The following CHRM2 variants were observed in gnomAD, a reference collection of about 807,000 sequenced individuals.
The protein encoded by CHRM2 is muscarinic acetylcholine receptor M2.
Under a neutral mutation model 25.0 loss-of-function variants are expected in CHRM2, and 8 were observed. That is an observed-to-expected ratio of 0.32 (90% CI 0.19 to 0.58). The LOEUF (loss-of-function observed/expected upper bound fraction) is 0.58, where lower values mean the gene tolerates loss of function less well. CHRM2 is among the 20% of genes least tolerant of loss of function. The pLI, the probability that CHRM2 is intolerant of heterozygous loss-of-function variation, is 0.88. For synonymous variants in CHRM2, 202 were observed against 205.7 expected (o/e 0.98, Z 0.15); for missense variants, 440 against 567.1 (o/e 0.78, Z 2.28).
At chr7:136,910,118 A>G (rs191393286) in intron 2 of CHRM2, among the ~76,000 whole-genome samples, 6 of 151,976 alleles carry the variant, frequency 3.9e-5, no homozygotes, top group Admixed American at 3.9e-4. Flanking sequence ...AAGAGAGTAA[A>G]GACAACATTG....
intron 2 of CHRM2, chr7:136,902,555 C>T (rs899634665): frequency 4.6e-5 from 7 of 152,378 alleles, no homozygotes; most frequent in Non-Finnish European, 7.3e-5. Context: ...GAACTCATAC[C>T]ATAAGCAGCC....
chr7:136,894,265 T>C (rs146341278), intron 2 of CHRM2, among the ~76,000 whole-genome samples: 3 of 152,314 alleles, frequency 2.0e-5, no homozygotes, highest in East Asian at 3.9e-4. Flanking sequence ...AAGGGTAACA[T>C]ATGAACAAAA....
chr7:136,873,399 T>C (rs1247193208), intron 2 of CHRM2, among the ~76,000 whole-genome samples: 1 of 152,246 alleles, frequency 6.6e-6, no homozygotes, highest in Admixed American at 6.5e-5. Flanking sequence ...TCCCATATGA[T>C]ATTTTCTGTT....
At chr7:136,960,088 G>A (rs1800979015) in intron 2 of CHRM2, among the ~76,000 whole-genome samples, 1 of 152,082 alleles carries the variant, frequency 6.6e-6, no homozygotes, top group South Asian at 2.1e-4. Context: ...TCCTAGAACT[G>A]GGCACCAAGC....
chr7:136,959,088 T>C (rs1360193706), intron 2 of CHRM2, among the ~76,000 whole-genome samples: 2 of 152,192 alleles, frequency 1.3e-5, no homozygotes, highest in African/African-American at 2.4e-5. Flanking sequence ...ACCAATATCA[T>C]GTGAACAATG....
rs561930383 is a variant in CHRM2, at chr7:136,896,521, T to C, written c.-125+27103T>C. Among the ~76,000 whole-genome samples the C allele has an allele frequency of 5.3e-5, 8 of 152,234 alleles. No individual in the cohort carries two copies. The East Asian group carries it at 1.5e-3, about 29-fold the overall frequency. ...TAAGCCCATTCAACCCAGAGAGAAA[T>C]AAGCCTCCAGTGCTTTTGGATATAG... On this transcript the variant is annotated intron_variant, in intron 2 of 3. Coordinates refer to ENST00000680005, the MANE Select transcript of CHRM2 (RefSeq NM_001006630.2).
chr7:136,980,504 G>T (rs1466344473), intron 2 of CHRM2, among the ~76,000 whole-genome samples: 1 of 152,174 alleles, frequency 6.6e-6, no homozygotes, highest in African/African-American at 2.4e-5. Flanking sequence ...GTGAGAGAGG[G>T]CATCCTTGTC....
chr7:136,897,241 A>G (rs1336198902), intron 2 of CHRM2, among the ~76,000 whole-genome samples: 3 of 152,040 alleles, frequency 2.0e-5, no homozygotes, highest in Admixed American at 2.0e-4. Context: ...TTTATTGTGA[A>G]CATTTGTGTT....
chr7:136,967,550 T>G (rs979355462), intron 2 of CHRM2, among the ~76,000 whole-genome samples: 1 of 152,010 alleles, frequency 6.6e-6, no homozygotes. Flanking sequence ...TAAAGAAAAG[T>G]TGAGTATTTT....
At position 137,019,224 on chromosome 7, in the gene CHRM2, T is replaced by C. The variant is rs1805320878; in HGVS notation, c.*2958T>C. The C allele has an allele frequency of 6.6e-6, 1 of 151,880 alleles. No homozygotes were observed. Among genetic ancestry groups the C allele is most frequent in the Non-Finnish European group, 1.5e-5 (1 of 67,902 alleles). The allele number at this position is 151,880 out of a possible 1,614,324, so 9.4% of individuals were successfully genotyped here. ...ATATCAATGCAAATTCCTCACCTGT[T>C]AGAAAAAGGTAATACTCACCAACCA... is the stretch of plus-strand genomic sequence containing the variant. On this transcript the variant is annotated 3_prime_UTR_variant, in exon 4 of 4. Coordinates refer to ENST00000680005, the MANE Select transcript of CHRM2 (RefSeq NM_001006630.2).
intron 2 of CHRM2, among the ~76,000 whole-genome samples, chr7:136,888,109 T>C (rs1020614860): frequency 2.0e-5 from 3 of 152,238 alleles, no homozygotes; most frequent in Non-Finnish European, 4.4e-5. Flanking sequence ...ATTCCCATTC[T>C]TTTTGCTTCT....
chr7:136,911,205 T>C (rs1223637576), intron 2 of CHRM2, among the ~76,000 whole-genome samples: 1 of 151,882 alleles, frequency 6.6e-6, no homozygotes, highest in African/African-American at 2.4e-5. Context: ...AATAATACCA[T>C]AACTGAACAT....
chr7:136,955,801 A>G (rs1800689812), intron 2 of CHRM2, among the ~76,000 whole-genome samples: 1 of 152,228 alleles, frequency 6.6e-6, no homozygotes, highest in East Asian at 1.9e-4. Flanking sequence ...AGTTGATAAA[A>G]AGTAATAAAG....
intron 2 of CHRM2, among the ~76,000 whole-genome samples, chr7:136,971,906 C>G (rs1801799880): frequency 6.6e-6 from 1 of 152,044 alleles, no homozygotes; most frequent in Admixed American, 6.6e-5. Context: ...ATTTTTGGTG[C>G]TAATCTCTAA....
At chr7:136,907,335 A>G (rs1308004732) in intron 2 of CHRM2, among the ~76,000 whole-genome samples, 3 of 151,938 alleles carry the variant, frequency 2.0e-5, no homozygotes, top group Non-Finnish European at 4.4e-5. Context: ...CAGTTCATAA[A>G]AGTGAAGGCA....
intron 2 of CHRM2, among the ~76,000 whole-genome samples, chr7:136,982,780 T>G (rs1281154852): frequency 6.6e-6 from 1 of 152,208 alleles, no homozygotes; most frequent in African/African-American, 2.4e-5. Context: ...CCCACTCTCT[T>G]CTGGCTTGTA....
intron 2 of CHRM2, among the ~76,000 whole-genome samples, chr7:136,914,909 G>C (rs959551265): frequency 1.3e-5 from 2 of 151,906 alleles, no homozygotes; most frequent in Admixed American, 1.3e-4. Flanking sequence ...AGTTTCATAA[G>C]AAGGGCATTG....
chr7:137,007,060 A>G (rs1193894894), intron 3 of CHRM2, among the ~76,000 whole-genome samples: 1 of 152,112 alleles, frequency 6.6e-6, no homozygotes, highest in Non-Finnish European at 1.5e-5. Flanking sequence ...AGAAAAACCA[A>G]AAATGTCAGA....
At chr7:136,964,601 C>A (rs1399846978) in intron 2 of CHRM2, among the ~76,000 whole-genome samples, 1 of 152,148 alleles carries the variant, frequency 6.6e-6, no homozygotes, top group Non-Finnish European at 1.5e-5. Context: ...TTCCTTCCTC[C>A]TTTTTCCTTT....
Sources: allele counts gnomAD v4.1 joint callset (sites outside exome capture counted in the v4.1 genomes callset), GRCh38; gene constraint gnomAD v4.1.1; transcripts MANE v1.5; gene names NCBI Gene and HGNC (gene_info 2026-07-23, HGNC 2026-07-21).